ZFYVE1: variants seen among roughly 807,000 people sequenced by gnomAD.
ZFYVE1 encodes zinc finger FYVE domain-containing protein 1.
In ZFYVE1, 30 loss-of-function variants were observed where a neutral mutation model predicts 74.4. The observed-to-expected ratio is 0.40, with a 90% confidence interval of 0.30 to 0.55. ZFYVE1 has a LOEUF of 0.55. ZFYVE1 is among the 20% of genes least tolerant of loss of function. The pLI is 0.42. For missense variants in ZFYVE1, 703 were observed against 1,011.6 expected (o/e 0.69, Z 4.14); for synonymous variants, 335 against 385.1 (o/e 0.87, Z 1.52).
intron 5 of ZFYVE1, among the ~76,000 whole-genome samples, chr14:72,981,182 C>A (rs942576208): frequency 1.3e-5 from 2 of 152,186 alleles, no homozygotes; most frequent in Non-Finnish European, 2.9e-5. Context: ...TCAGCTCGGG[C>A]TGCACTTTAG....
At chr14:72,987,925 C>A (rs1011910868) in intron 4 of ZFYVE1, among the ~76,000 whole-genome samples, 4 of 152,102 alleles carry the variant, frequency 2.6e-5, no homozygotes, top group African/African-American at 9.7e-5. Flanking sequence ...GAAACCACTC[C>A]CAGGTATGTA....
chr14:72,993,417 A>AG, intron 3 of ZFYVE1, 60 bp from the exon 4 acceptor site: 1 of 1,419,414 alleles, frequency 7.0e-7, no homozygotes, highest in Non-Finnish European at 9.5e-7. Flanking sequence ...AAAAAAAAAA[A>AG]GTAGGCCAGG....
chr14:72,981,732 C>T, intron 5 of ZFYVE1, 57 bp downstream of exon 5: 2 of 1,535,634 alleles, frequency 1.3e-6, no homozygotes, highest in South Asian at 2.2e-5. Context: ...GGAAGCACCA[C>T]TCAAAGGCTC....
In ZFYVE1 at chr14:72,992,622, C is replaced by A. The variant is rs953613402; in HGVS notation, c.1203+521G>T. 1.8e-4 allele frequency among the ~76,000 whole-genome samples: 20 copies of A among 112,962 alleles called. 2 individuals carry two copies. The highest frequency in any genetic ancestry group is 9.2e-4 in the Admixed American group (11 of 11,892). 74.1% of individuals were successfully genotyped at this position (112,962 alleles called of 152,430 possible). ...GGGAGGTCCCATTCAGGTGCCCCCC[C>A]CGCCCCTTGCAAGAGAGAGAGAGCT... On this transcript the variant is annotated intron_variant, in intron 4 of 11. Transcript: ENST00000556143.
rs902148580 is a variant in ZFYVE1 at position 72,974,005 on chromosome 14, A to G, written c.2101+75T>C. 4 of 1,356,984 alleles carry G rather than the reference A, an allele frequency of 2.9e-6. No individual in the cohort carries two copies. In the African/African-American group the frequency reaches 5.7e-5, roughly 19 times the overall value. 84.1% of individuals were successfully genotyped at this position (1,356,984 alleles called of 1,614,324 possible). ...TCAATCTAGGTTGGCAAGCCTTTAC[A>G]AAGTGACAGCCCAGGGCACCTGAAA... On this transcript the variant is annotated intron_variant, in intron 11 of 11. Coordinates refer to ENST00000556143, the MANE Select transcript of ZFYVE1 (RefSeq NM_021260.4).
chr14:73,017,492 T>G (rs1388996999), intron 2 of ZFYVE1, among the ~76,000 whole-genome samples: 1 of 152,206 alleles, frequency 6.6e-6, no homozygotes, highest in Non-Finnish European at 1.5e-5. Flanking sequence ...TGGGACTAAT[T>G]TATCTCTCTT....
intron 5 of ZFYVE1, among the ~76,000 whole-genome samples, chr14:72,980,532 A>T (rs2535922): frequency 0.054 from 5,215 of 97,096 alleles, 147 homozygotes; most frequent in African/African-American, 0.15. Flanking sequence ...CCTGAGAATT[A>T]ATTAATTTAT....
intron 2 of ZFYVE1, among the ~76,000 whole-genome samples, chr14:73,014,194 A>C (rs1039200979): frequency 1.3e-5 from 2 of 152,206 alleles, no homozygotes; most frequent in African/African-American, 4.8e-5. Flanking sequence ...GATGGCTTAC[A>C]TGGGTCAAAT....
At position 72,986,896 on chromosome 14, in the gene ZFYVE1, C is replaced by T. The variant is rs974072564; in HGVS notation, c.1204-5001G>A. On this transcript the variant is annotated intron_variant, in intron 4 of 11. Transcript: ENST00000556143. ...GCAGGTTCAAAAATTCCAAACCTCA[C>T]ATCATTCCACAGTTTCTTGGGTTCT... is the stretch of plus-strand genomic sequence containing the variant. The T allele has an allele frequency of 9.1e-6, 9 of 985,370 alleles. No homozygotes were observed. In the East Asian group the frequency reaches 1.0e-3, roughly 112 times the overall value. 61.0% of individuals were successfully genotyped at this position (985,370 alleles called of 1,614,324 possible).
intron 2 of ZFYVE1, among the ~76,000 whole-genome samples, chr14:73,021,911 TAC>T (rs1330073550): frequency 2.6e-5 from 4 of 151,940 alleles, no homozygotes; most frequent in Non-Finnish European, 5.9e-5. Context: ...GAAAAAAAAA[TAC>T]ACATTCTCCT....
chr14:73,007,130 C>A (rs1182293867), intron 2 of ZFYVE1, among the ~76,000 whole-genome samples: 1 of 152,064 alleles, frequency 6.6e-6, no homozygotes, highest in Non-Finnish European at 1.5e-5. Context: ...CAAGCCCTCA[C>A]AGAATCATTC....
At chr14:72,977,057 A>G (rs765027460) in intron 8 of ZFYVE1, among the ~76,000 whole-genome samples, 3 of 152,242 alleles carry the variant, frequency 2.0e-5, no homozygotes, top group Admixed American at 6.5e-5. Flanking sequence ...TGAAAGCATG[A>G]TATCACTGCC....
chr14:73,015,837 C>T (rs970820852), intron 2 of ZFYVE1, among the ~76,000 whole-genome samples: 5 of 151,858 alleles, frequency 3.3e-5, no homozygotes, highest in African/African-American at 1.2e-4. Context: ...GGCACGGTGG[C>T]TCACGCCTGT....
At chr14:72,974,986 G>T in intron 9 of ZFYVE1, 27 bp from the exon 10 acceptor site, 1 of 1,588,674 alleles carries the variant, frequency 6.3e-7, no homozygotes, top group East Asian at 2.3e-5. Context: ...ACAAAACAGA[G>T]AGGCAGGTAG....
At chr14:73,008,989 A>G (rs576740337) in intron 2 of ZFYVE1, among the ~76,000 whole-genome samples, 2 of 152,158 alleles carry the variant, frequency 1.3e-5, no homozygotes, top group Non-Finnish European at 2.9e-5. Flanking sequence ...CCAGCGCTAA[A>G]CACCCCAACT....
At chr14:73,004,553 T>C (rs542370993) in intron 2 of ZFYVE1, among the ~76,000 whole-genome samples, 1 of 152,238 alleles carries the variant, frequency 6.6e-6, no homozygotes, top group East Asian at 1.9e-4. Context: ...TTCGGGGGTA[T>C]GTCCAATGTG....
chr14:73,021,867 C>A (rs1894326571), intron 2 of ZFYVE1, among the ~76,000 whole-genome samples: 1 of 152,070 alleles, frequency 6.6e-6, no homozygotes, highest in African/African-American at 2.4e-5. Flanking sequence ...GCTCTTAATT[C>A]TCAACTAAGG....
rs772294626 is a variant in ZFYVE1, at chr14:72,975,681, C to T, written c.1676G>A (p.Arg559His). 5 of 1,614,164 alleles carry T rather than the reference C, an allele frequency of 3.1e-6. No individual in the cohort carries two copies. Among genetic ancestry groups the T allele is most frequent in the East Asian group, 2.2e-5 (1 of 44,888 alleles). The change falls in exon 9 of 12, where the codon CGC (arginine) becomes CAC (histidine). Residue 559 changes from arginine (R) to histidine (H), a missense_variant. Physicochemically the swap from Arg to His is conservative, Grantham distance 29 (BLOSUM62 0). Transcript: ENST00000556143. The surrounding 1 kb of genome is among the most constrained non-coding windows in gnomAD (Gnocchi z 4.1). ...FLKDNNNAAQ[R>H]LLDGMNFMAQ... ...CATGAAGTTCATCCCGTCCAACAGG[C>T]GCTGGGCAGCATTGTTGTTGTCCTT...
chr14:73,014,251 C>T (rs887558412), intron 2 of ZFYVE1, among the ~76,000 whole-genome samples: 1 of 152,132 alleles, frequency 6.6e-6, no homozygotes, highest in East Asian at 1.9e-4. Flanking sequence ...AAGTTAAATG[C>T]CAGGAGTCTG....
Sources: allele counts gnomAD v4.1 joint callset (sites outside exome capture counted in the v4.1 genomes callset), GRCh38; gene constraint gnomAD v4.1.1; non-coding constraint Gnocchi (gnomAD v3.1); transcripts MANE v1.5; gene names NCBI Gene and HGNC (gene_info 2026-07-23, HGNC 2026-07-21).